Variants in UGGT2 observed in about 807,000 individuals in gnomAD.
UGGT2 encodes the protein UDP-glucose glycoprotein glucosyltransferase 2, also known as UDP-glucose:glycoprotein glucosyltransferase 2.
In UGGT2, 180 loss-of-function variants were observed where a neutral mutation model predicts 192.1. That is an observed-to-expected ratio of 0.94 (90% CI 0.83 to 1.06). The LOEUF (loss-of-function observed/expected upper bound fraction) is 1.06, where lower values mean the gene tolerates loss of function less well. Among genes scored for constraint, UGGT2 ranks in the 50% least tolerant of loss-of-function variants. UGGT2 has a pLI of 0.00. For synonymous variants in UGGT2, 580 were observed against 591.0 expected (o/e 0.98, Z 0.27); for missense variants, 1,849 against 1,795.7 (o/e 1.03, Z -0.54).
chr13:95,860,718 TA>T, intron 32 of UGGT2, 69 bp downstream of exon 32: 1 of 1,050,644 alleles, frequency 9.5e-7, no homozygotes, highest in Non-Finnish European at 1.3e-6. Flanking sequence ...TATATTCCTT[TA>T]TTTTTTTTTG....
chr13:95,970,077 C>T, intron 12 of UGGT2, 35 bp downstream of exon 12: 1 of 1,575,166 alleles, frequency 6.3e-7, no homozygotes, highest in Non-Finnish European at 8.7e-7. Flanking sequence ...AAGTATACTA[C>T]AGGTTTTAGA....
chr13:95,805,292 T>A (rs116609869), intron 38 of UGGT2, among the ~76,000 whole-genome samples: 1,449 of 144,106 alleles, frequency 0.01, 28 homozygotes, highest in African/African-American at 0.036. Flanking sequence ...ACCCAGAAAA[T>A]AAGAAGTGTT....
At chr13:95,979,071 T>C (rs2051031974) in intron 10 of UGGT2, among the ~76,000 whole-genome samples, 1 of 152,184 alleles carries the variant, frequency 6.6e-6, no homozygotes, top group African/African-American at 2.4e-5. Context: ...TCATAAAAAG[T>C]TACCTGACCA....
chr13:95,891,738 A>T (rs1282197105), intron 24 of UGGT2, among the ~76,000 whole-genome samples: 1 of 152,184 alleles, frequency 6.6e-6, no homozygotes, highest in Non-Finnish European at 1.5e-5. Context: ...CATTTTACAT[A>T]TTACAAAGGA....
intron 12 of UGGT2, among the ~76,000 whole-genome samples, chr13:95,965,004 T>C (rs2050522158): frequency 6.6e-6 from 1 of 151,932 alleles, no homozygotes; most frequent in East Asian, 1.9e-4. Flanking sequence ...TCACCATCAC[T>C]GGCCATCAGA....
chr13:95,963,641 A>G (rs776680901), intron 12 of UGGT2, among the ~76,000 whole-genome samples: 5 of 152,202 alleles, frequency 3.3e-5, no homozygotes, highest in Non-Finnish European at 5.9e-5. Flanking sequence ...TAGAAAAACC[A>G]AGGACTCCAC....
intron 32 of UGGT2, 73 bp from the exon 33 acceptor site, chr13:95,859,748 G>A (rs1465825680): frequency 1.1e-5 from 12 of 1,135,432 alleles, no homozygotes; most frequent in Middle Eastern, 2.8e-4. Context: ...TAACCTTGAA[G>A]TGTTTTTTAA....
Position 95,999,319 on chromosome 13 carries a change from C to T in UGGT2, c.661-12G>A, listed in dbSNP as rs1364229018. On this transcript the variant is annotated splice_polypyrimidine_tract_variant and intron_variant, in intron 5 of 38. Coordinates refer to ENST00000376747, the MANE Select transcript of UGGT2 (RefSeq NM_020121.4). ...CGTGAGCTTGGTTTCTGTTCAAACA[C>T]ATTTATTTTATAAAAAGCGAAAAGA... 2 of 1,611,232 alleles carry T rather than the reference C, an allele frequency of 1.2e-6. No individual in the cohort carries two copies. Among genetic ancestry groups the T allele is most frequent in the African/African-American group, 1.3e-5 (1 of 74,852 alleles).
chr13:95,877,911 A>T, intron 27 of UGGT2, 55 bp from the exon 28 acceptor site: 1 of 1,505,606 alleles, frequency 6.6e-7, no homozygotes, highest in Non-Finnish European at 8.9e-7. Flanking sequence ...ATAATACAAA[A>T]TTTTGAAATA....
intron 19 of UGGT2, 51 bp downstream of exon 19, chr13:95,926,977 T>C (rs1343523270): frequency 6.7e-7 from 1 of 1,487,116 alleles, no homozygotes; most frequent in East Asian, 2.3e-5. Flanking sequence ...TTATGAACAT[T>C]ACAAGTTTCT....
At chr13:96,014,842 A>G (rs1274984105) in intron 4 of UGGT2, among the ~76,000 whole-genome samples, 1 of 152,214 alleles carries the variant, frequency 6.6e-6, no homozygotes, top group Non-Finnish European at 1.5e-5. Context: ...AATGTCACTT[A>G]TATAGCAGCT....
chr13:95,848,849 A>C (rs571626717), intron 36 of UGGT2, among the ~76,000 whole-genome samples: 74 of 152,346 alleles, frequency 4.9e-4, no homozygotes, highest in African/African-American at 1.7e-3. Context: ...TGGAATCTAT[A>C]AATTGATCTG....
At chr13:95,836,432 C>T (rs1887298115) in intron 37 of UGGT2, among the ~76,000 whole-genome samples, 1 of 152,158 alleles carries the variant, frequency 6.6e-6, no homozygotes, top group Non-Finnish European at 1.5e-5. Context: ...GAAAGACCTG[C>T]TTGTAAGTTT....
intron 5 of UGGT2, among the ~76,000 whole-genome samples, chr13:96,008,474 G>A (rs2052051883): frequency 6.6e-6 from 1 of 152,094 alleles, no homozygotes; most frequent in Non-Finnish European, 1.5e-5. Context: ...TCCATATCTA[G>A]ACAATCCCAT....
At chr13:95,881,603 A>C (rs1225563937) in intron 27 of UGGT2, among the ~76,000 whole-genome samples, 2 of 152,194 alleles carry the variant, frequency 1.3e-5, no homozygotes, top group African/African-American at 4.8e-5. Context: ...TCAATAAATA[A>C]AACTGATATC....
intron 29 of UGGT2, among the ~76,000 whole-genome samples, chr13:95,870,818 T>G (rs1891153132): frequency 6.6e-6 from 1 of 152,126 alleles, no homozygotes; most frequent in Non-Finnish European, 1.5e-5. Flanking sequence ...TATTAAGAGG[T>G]GGGACCCTTA....
intron 7 of UGGT2, among the ~76,000 whole-genome samples, chr13:95,993,247 G>A (rs2051511309): frequency 6.6e-6 from 1 of 152,108 alleles, no homozygotes; most frequent in Non-Finnish European, 1.5e-5. Context: ...CTATTAGAGT[G>A]GGAAGATGGC....
chr13:95,919,838 T>C (rs1350463879), intron 20 of UGGT2, among the ~76,000 whole-genome samples: 1 of 152,118 alleles, frequency 6.6e-6, no homozygotes, highest in Non-Finnish European at 1.5e-5. Flanking sequence ...ATTCTTCACA[T>C]ATTTAGAAAA....
At chr13:95,921,304 A>G (rs534381119) in intron 20 of UGGT2, among the ~76,000 whole-genome samples, 2 of 150,234 alleles carry the variant, frequency 1.3e-5, no homozygotes, top group African/African-American at 4.9e-5. Flanking sequence ...GCATACGTTT[A>G]TCTGTGTAAC....
Sources: gnomAD v4.1 joint callset for allele counts (sites outside exome capture counted in the v4.1 genomes callset) on GRCh38, gnomAD v4.1.1 for gene constraint, MANE v1.5 for transcripts, NCBI Gene and HGNC (gene_info 2026-07-23, HGNC 2026-07-21) for gene names.